EPB41L4A: variants seen among roughly 807,000 people sequenced by gnomAD.
EPB41L4A encodes the protein band 4.1-like protein 4A.
In EPB41L4A, 100 loss-of-function variants were observed where a neutral mutation model predicts 108.6. That is an observed-to-expected ratio of 0.92 (90% CI 0.78 to 1.09). The LOEUF (loss-of-function observed/expected upper bound fraction) is 1.09. Among genes scored for constraint, EPB41L4A ranks in the 50% least tolerant of loss-of-function variants. The pLI is 0.00. For missense variants in EPB41L4A, 1,030 were observed against 842.7 expected, an observed-to-expected ratio of 1.22 and a Z score of -2.75; for synonymous variants, 319 against 289.0, an observed-to-expected ratio of 1.10 and a Z score of -1.05.
At chr5:112,223,925 AT>A (rs1748260735) in intron 12 of EPB41L4A, among the ~76,000 whole-genome samples, 2 of 151,670 alleles carry the variant, frequency 1.3e-5, no homozygotes, top group South Asian at 4.1e-4. Flanking sequence ...ACTTTATTCA[AT>A]TTGTCAATAA....
chr5:112,264,250 G>A (rs1044928342), intron 6 of EPB41L4A: 1 of 152,232 alleles, frequency 6.6e-6, no homozygotes, highest in African/African-American at 2.4e-5. Context: ...AAACTTCAGT[G>A]CTATAGGCCA....
chr5:112,159,346 C>T (rs1002679197), downstream of EPB41L4A, among the ~76,000 whole-genome samples: 15 of 152,290 alleles, frequency 9.8e-5, no homozygotes, highest in East Asian at 2.5e-3. Context: ...GGATGAATCT[C>T]TGCTAGGACT....
At chr5:112,283,822 T>C (rs1268334201) in intron 2 of EPB41L4A, among the ~76,000 whole-genome samples, 1 of 152,072 alleles carries the variant, frequency 6.6e-6, no homozygotes, top group Non-Finnish European at 1.5e-5. Flanking sequence ...GGTGAGACAA[T>C]AATTACTTAT....
intron 2 of EPB41L4A, among the ~76,000 whole-genome samples, chr5:112,285,087 A>T (rs938868617): frequency 6.6e-6 from 1 of 152,154 alleles, no homozygotes; most frequent in Non-Finnish European, 1.5e-5. Context: ...ACCCTAAAAA[A>T]TTTTTAAAAA....
At chr5:112,159,993 C>T (rs1186856768), downstream of EPB41L4A, among the ~76,000 whole-genome samples, 1 of 151,180 alleles carries the variant, frequency 6.6e-6, no homozygotes, top group African/African-American at 2.4e-5. Context: ...CCTCCACCCC[C>T]ACCCCGCCCG....
chr5:112,317,456 A>C (rs1280411746), intron 1 of EPB41L4A, among the ~76,000 whole-genome samples: 1 of 152,246 alleles, frequency 6.6e-6, no homozygotes, highest in Non-Finnish European at 1.5e-5. Flanking sequence ...CAGAGACTCC[A>C]ACCCAGAAAT....
chr5:112,417,971 T>C (rs1294627828), intron 1 of EPB41L4A, among the ~76,000 whole-genome samples: 3 of 152,180 alleles, frequency 2.0e-5, no homozygotes, highest in African/African-American at 4.8e-5. Context: ...GATTAACTTC[T>C]GAGATGAAGC....
At chr5:112,249,880 T>C (rs1308776487) in intron 9 of EPB41L4A, among the ~76,000 whole-genome samples, 1 of 152,174 alleles carries the variant, frequency 6.6e-6, no homozygotes, top group Non-Finnish European at 1.5e-5. Context: ...ACTGTGAATC[T>C]CCAAGAGCTA....
At chr5:112,389,048 G>A (rs1160931284) in intron 1 of EPB41L4A, among the ~76,000 whole-genome samples, 2 of 152,026 alleles carry the variant, frequency 1.3e-5, no homozygotes, top group Admixed American at 6.5e-5. Context: ...CTGATCCCAG[G>A]AGAGGAATTG....
Position 112,354,166 on chromosome 5 carries a change from T to C in EPB41L4A, c.100-46676A>G, listed in dbSNP as rs565560833. ...GGGCTATTCTGAGCATTGATGTGTA[T>C]ACAAAGGTGCTTTATAATAGTGCCT... On this transcript the variant is annotated intron_variant, in intron 1 of 22. Coordinates refer to ENST00000261486, the MANE Select transcript of EPB41L4A (RefSeq NM_022140.5). Among the ~76,000 whole-genome samples, 7 of 152,346 alleles carry C rather than the reference T, an allele frequency of 4.6e-5. No homozygotes were observed. In the East Asian group the frequency reaches 9.6e-4, roughly 21 times the overall value.
chr5:112,215,652 A>G (rs571435130), intron 12 of EPB41L4A, among the ~76,000 whole-genome samples: 27 of 150,970 alleles, frequency 1.8e-4, no homozygotes, highest in Admixed American at 4.6e-4. Context: ...GGTCCCAGCT[A>G]CTCGGGAGGG....
intron 12 of EPB41L4A, among the ~76,000 whole-genome samples, chr5:112,221,165 C>G (rs916747692): frequency 3.3e-4 from 51 of 152,266 alleles, no homozygotes; most frequent in African/African-American, 1.1e-3. Context: ...GTTGCATACA[C>G]GAGCCTGAAA....
chr5:112,368,764 G>A (rs993634156), intron 1 of EPB41L4A, among the ~76,000 whole-genome samples: 5 of 152,074 alleles, frequency 3.3e-5, no homozygotes, highest in African/African-American at 1.2e-4. Flanking sequence ...TTGCTTTTCT[G>A]GTTCTTCTGG....
intron 11 of EPB41L4A, among the ~76,000 whole-genome samples, chr5:112,235,787 G>T (rs1001548715): frequency 1.3e-5 from 2 of 152,160 alleles, no homozygotes; most frequent in African/African-American, 2.4e-5. Flanking sequence ...GGGACGTGTG[G>T]TATCAGCTAC....
rs114541405 is a variant in EPB41L4A at position 112,204,429 on chromosome 5, C to T, written c.1322G>A (p.Arg441His). ...GTCACTTCCACAGGAGGGGTTTCGG[C>T]GACGCGTGTAAGGGAACTTTGGCGA... is the stretch of plus-strand genomic sequence containing the variant. Reference protein sequence around the residue: ...TKSPKFPYTRRRNPSCGSDND... With the variant: ...TKSPKFPYTRHRNPSCGSDND... Residue 441 changes from arginine to histidine, a missense_variant, in exon 15 of 23, where the codon CGC (arginine) becomes CAC (histidine). Physicochemically the swap from Arg to His is conservative, Grantham distance 29. Transcript: ENST00000261486. The T allele has an allele frequency of 1.1e-3, 1,719 of 1,613,770 alleles. 21 individuals carry two copies. In the African/African-American group the frequency reaches 0.021, roughly 19 times the overall value.
At chr5:112,192,715 C>G (rs941196548) in intron 17 of EPB41L4A, among the ~76,000 whole-genome samples, 1 of 152,188 alleles carries the variant, frequency 6.6e-6, no homozygotes, top group Non-Finnish European at 1.5e-5. Context: ...TTGATGGCAA[C>G]CTTTCACTAG....
Position 112,378,055 on chromosome 5 carries a change from G to A in EPB41L4A, c.99+40886C>T, listed in dbSNP as rs533014155. On this transcript the variant is annotated intron_variant, in intron 1 of 22. Coordinates refer to ENST00000261486, the MANE Select transcript of EPB41L4A (RefSeq NM_022140.5). ...GCAACCTTGGTTTTCTACCTACAAA[G>A]TACAGTCCTTAAAACAGATATAAGG... 2.2e-4 allele frequency among the ~76,000 whole-genome samples: 33 copies of A among 152,230 alleles called. No homozygotes were observed. The East Asian group carries it at 6.4e-3, about 29-fold the overall frequency.
intron 1 of EPB41L4A, among the ~76,000 whole-genome samples, chr5:112,353,445 C>T (rs1326792739): frequency 6.6e-6 from 1 of 152,002 alleles, no homozygotes; most frequent in African/African-American, 2.4e-5. Flanking sequence ...CAACACTTGG[C>T]TTCCAGACAG....
chr5:112,315,100 A>G (rs1338892210), intron 1 of EPB41L4A, among the ~76,000 whole-genome samples: 2 of 152,140 alleles, frequency 1.3e-5, no homozygotes, highest in African/African-American at 4.8e-5. Context: ...TCTCCCTGGG[A>G]TATCTTTCCT....
Sources: gnomAD v4.1 joint callset for allele counts (sites outside exome capture counted in the v4.1 genomes callset) on GRCh38, gnomAD v4.1.1 for gene constraint, MANE v1.5 for transcripts, NCBI Gene and HGNC (gene_info 2026-07-23, HGNC 2026-07-21) for gene names.